The following TOX2 variants were observed in gnomAD, a reference collection of about 807,000 sequenced individuals.
TOX2 encodes granulosa cell HMG box 1.
Under a neutral mutation model 47.4 loss-of-function variants are expected in TOX2, and 15 were observed. The ratio of observed to expected loss-of-function variants is 0.32; its 90% CI spans 0.21 to 0.49. The LOEUF (loss-of-function observed/expected upper bound fraction) is 0.49, where lower values mean the gene tolerates loss of function less well. Among genes scored for constraint, TOX2 ranks in the 20% least tolerant of loss-of-function variants. The pLI is 0.99. For missense variants in TOX2, 622 were observed against 673.1 expected, an observed-to-expected ratio of 0.92 and a Z score of 0.84; for synonymous variants, 290 against 296.6, an observed-to-expected ratio of 0.98 and a Z score of 0.23.
intron 1 of TOX2, among the ~76,000 whole-genome samples, chr20:43,970,646 C>T (rs1331484439): frequency 2.6e-5 from 4 of 152,212 alleles, no homozygotes; most frequent in African/African-American, 4.8e-5. Flanking sequence ...AAAAATTTTA[C>T]TTTTGTCAAA....
intron 3 of TOX2, among the ~76,000 whole-genome samples, chr20:44,020,556 C>T (rs1246866370): frequency 6.6e-6 from 1 of 152,350 alleles, no homozygotes; most frequent in South Asian, 2.1e-4. Context: ...GGCAGCCACA[C>T]TCCCAGCAGG....
chr20:43,966,025 A>C (rs953128647), intron 1 of TOX2, among the ~76,000 whole-genome samples: 3 of 152,232 alleles, frequency 2.0e-5, no homozygotes, highest in African/African-American at 7.2e-5. Flanking sequence ...ATAATAGGTA[A>C]CATTTATTAA....
chr20:44,062,425 AG>A (rs1484246951), intron 5 of TOX2, among the ~76,000 whole-genome samples: 4 of 151,806 alleles, frequency 2.6e-5, no homozygotes, highest in Non-Finnish European at 5.9e-5. Flanking sequence ...TAAAATACTT[AG>A]GAATATACCT....
intron 2 of TOX2, among the ~76,000 whole-genome samples, chr20:43,985,098 G>A (rs1034108328): frequency 7.2e-5 from 11 of 152,180 alleles, no homozygotes; most frequent in Admixed American, 6.5e-4. Context: ...CTTCTGGAGG[G>A]TCAGGATCCT....
At chr20:44,035,742 T>G (rs2071228853) in intron 3 of TOX2, among the ~76,000 whole-genome samples, 1 of 152,066 alleles carries the variant, frequency 6.6e-6, no homozygotes, top group Admixed American at 6.5e-5. Flanking sequence ...TGCTGGGTAA[T>G]GGGGTAATAT....
At chr20:43,919,546 G>T (rs1206470173) in intron 1 of TOX2, among the ~76,000 whole-genome samples, 1 of 152,160 alleles carries the variant, frequency 6.6e-6, no homozygotes, top group African/African-American at 2.4e-5. Context: ...GGATACATGT[G>T]CAGGATGTGT....
At chr20:44,066,893 G>T in intron 8 of TOX2, 36 bp downstream of exon 8, 1 of 1,591,102 alleles carries the variant, frequency 6.3e-7, no homozygotes. Context: ...TGTCCTGCCA[G>T]CCAGGGAGAG....
At chr20:43,942,538 T>C (rs543042656) in intron 1 of TOX2, among the ~76,000 whole-genome samples, 4 of 152,136 alleles carry the variant, frequency 2.6e-5, no homozygotes, top group African/African-American at 9.6e-5. Context: ...ACACAAAAAT[T>C]AGCAGGGTGT....
intron 1 of TOX2, among the ~76,000 whole-genome samples, chr20:43,962,463 C>T (rs1056337775): frequency 7.2e-5 from 11 of 152,206 alleles, no homozygotes; most frequent in Non-Finnish European, 1.0e-4. Flanking sequence ...ATGGCTGGGG[C>T]GAGATTCCTG....
chr20:43,980,842 A>G (rs758412490), intron 2 of TOX2, among the ~76,000 whole-genome samples: 3 of 152,182 alleles, frequency 2.0e-5, no homozygotes, highest in Non-Finnish European at 4.4e-5. Flanking sequence ...CTAAATTAAT[A>G]TAAATATAAA....
chr20:44,049,764 T>C (rs1222883780), intron 3 of TOX2, among the ~76,000 whole-genome samples: 1 of 152,214 alleles, frequency 6.6e-6, no homozygotes, highest in Non-Finnish European at 1.5e-5. Flanking sequence ...GTTCCTGCAT[T>C]AGTTTGCTGA....
intron 2 of TOX2, among the ~76,000 whole-genome samples, chr20:43,973,635 C>T (rs1286281469): frequency 6.6e-6 from 1 of 152,186 alleles, no homozygotes; most frequent in Non-Finnish European, 1.5e-5. Context: ...AACTACCTGG[C>T]TACTGTTGGC....
chr20:43,985,910 G>A (rs74754775), intron 2 of TOX2, among the ~76,000 whole-genome samples: 1,767 of 152,288 alleles, frequency 0.012, 16 homozygotes, highest in Middle Eastern at 0.017. Flanking sequence ...ATGAGCAGGC[G>A]GTGAGAGTGA....
chr20:43,924,195 A>G (rs2069140600), intron 1 of TOX2, among the ~76,000 whole-genome samples: 1 of 152,162 alleles, frequency 6.6e-6, no homozygotes. Flanking sequence ...TTTCCCAGGA[A>G]ATCAAGGGCC....
intron 1 of TOX2, among the ~76,000 whole-genome samples, chr20:43,956,857 T>G (rs991241898): frequency 6.6e-6 from 1 of 152,202 alleles, no homozygotes; most frequent in East Asian, 1.9e-4. Context: ...TCCATATTTG[T>G]TTCTTAAGAT....
chr20:43,984,570 A>C (rs1424854573), intron 2 of TOX2, among the ~76,000 whole-genome samples: 1 of 152,228 alleles, frequency 6.6e-6, no homozygotes. Context: ...ATTTATTTTA[A>C]AGCTCTTGAT....
At chr20:43,998,480 C>T (rs1351452407) in intron 2 of TOX2, among the ~76,000 whole-genome samples, 22 of 152,198 alleles carry the variant, frequency 1.4e-4, no homozygotes, top group African/African-American at 5.1e-4. Context: ...GATCCTCAAT[C>T]CTCACTCATT....
intron 3 of TOX2, among the ~76,000 whole-genome samples, chr20:44,014,939 A>G (rs2070851425): frequency 6.6e-6 from 1 of 152,126 alleles, no homozygotes; most frequent in African/African-American, 2.4e-5. Flanking sequence ...CTTAAAAGCA[A>G]CAGCGGAGTG....
chr20:43,980,479 C>T (rs551884863), intron 2 of TOX2, among the ~76,000 whole-genome samples: 2 of 152,162 alleles, frequency 1.3e-5, no homozygotes, highest in East Asian at 1.9e-4. Flanking sequence ...TCAATAATTG[C>T]GTATTTTAAA....
Sources: gnomAD v4.1 joint callset for allele counts (sites outside exome capture counted in the v4.1 genomes callset) on GRCh38, gnomAD v4.1.1 for gene constraint, MANE v1.5 for transcripts, NCBI Gene and HGNC (gene_info 2026-07-23, HGNC 2026-07-21) for gene names.